STIM1: variants seen among roughly 807,000 people sequenced by gnomAD.
STIM1 encodes stromal interaction molecule 1.
A neutral mutation model predicts 74.7 loss-of-function variants in STIM1; 25 were observed. That is an observed-to-expected ratio of 0.33 (90% confidence interval 0.24 to 0.47). STIM1 has a LOEUF of 0.47. Among genes scored for constraint, STIM1 ranks in the 20% least tolerant of loss-of-function variants. The probability of loss-of-function intolerance (pLI) is 1.00; values close to 1 mark genes in which losing one functional copy is unlikely to be tolerated. For missense variants in STIM1, 728 were observed against 920.8 expected, an observed-to-expected ratio of 0.79 and a Z score of 2.71; for synonymous variants, 328 against 348.8, an observed-to-expected ratio of 0.94 and a Z score of 0.66.
chr11:3,875,203 C>T (rs181910648), intron 1 of STIM1, among the ~76,000 whole-genome samples: 8 of 152,198 alleles, frequency 5.3e-5, no homozygotes, highest in African/African-American at 1.9e-4. Context: ...ACTAACCTTG[C>T]ATTTGGGGCT....
chr11:3,937,353 T>G (rs2092947004), intron 1 of STIM1, among the ~76,000 whole-genome samples: 1 of 150,828 alleles, frequency 6.6e-6, no homozygotes. Flanking sequence ...TATCTGGAAA[T>G]TTAATATGTT....
intron 1 of STIM1, among the ~76,000 whole-genome samples, chr11:3,899,049 G>C (rs1390416957): frequency 6.6e-6 from 1 of 152,166 alleles, no homozygotes; most frequent in Non-Finnish European, 1.5e-5. Flanking sequence ...CCAATTCTGT[G>C]AAGAAAGTCA....
chr11:3,873,438 T>A (rs530650845), intron 1 of STIM1, among the ~76,000 whole-genome samples: 2,096 of 149,566 alleles, frequency 0.014, 48 homozygotes, highest in African/African-American at 0.049. Context: ...AAAAAAAAAA[T>A]TAAAAACTTT....
intron 2 of STIM1, among the ~76,000 whole-genome samples, chr11:3,995,422 C>T (rs1227260326): frequency 6.6e-6 from 1 of 152,158 alleles, no homozygotes; most frequent in Non-Finnish European, 1.5e-5. Context: ...CCTCAGAGGA[C>T]TTTGGTATGC....
intron 1 of STIM1, among the ~76,000 whole-genome samples, chr11:3,951,802 AT>A (rs1178731977): frequency 6.6e-6 from 1 of 152,034 alleles, no homozygotes; most frequent in Non-Finnish European, 1.5e-5. Context: ...GTCTGTAATT[AT>A]TTTTTTGGCT....
chr11:3,866,673 C>T (rs1436399647), intron 1 of STIM1, among the ~76,000 whole-genome samples: 2 of 152,038 alleles, frequency 1.3e-5, no homozygotes, highest in African/African-American at 4.8e-5. Flanking sequence ...GATCCGCCTG[C>T]CTCGGCCTCT....
intron 3 of STIM1, among the ~76,000 whole-genome samples, chr11:4,033,314 T>C (rs1219175784): frequency 1.3e-5 from 2 of 152,216 alleles, no homozygotes; most frequent in African/African-American, 4.8e-5. Flanking sequence ...TTTGTTCTTT[T>C]GGCTTAGGAT....
rs779108452 is a variant in STIM1 at position 4,091,667 on chromosome 11, C to G, written c.2020C>G (p.Arg674Gly). 1 of 1,614,250 alleles carries G rather than the reference C, an allele frequency of 6.2e-7. No homozygotes were observed. The highest frequency in any genetic ancestry group is 8.5e-7 in the Non-Finnish European group (1 of 1,180,048). The change falls in exon 13 of 13, where the codon CGC becomes GGC. Residue 674 changes from arginine to glycine, a missense_variant. By Grantham distance (125) the Arg-to-Gly change is moderately radical. This residue lies in a region of STIM1 where 352 missense variants were observed against 370.1 expected (regional missense o/e 0.95). Coordinates refer to ENST00000526596, the MANE Select transcript of STIM1 (RefSeq NM_001382567.1). ...SRALQASRNT[R>G]IPHLAGKKAV... is the part of the protein sequence containing the mutation. ...AGCCCTGCAAGCCAGCCGAAACACA[C>G]GCATTCCCCACCTGGCTGGCAAGAA...
chr11:4,042,622 T>C (rs2094156836), intron 3 of STIM1, among the ~76,000 whole-genome samples: 2 of 152,194 alleles, frequency 1.3e-5, no homozygotes. Flanking sequence ...TGTCATTTGG[T>C]GTCAGCAATA....
chr11:4,081,504 G>T (rs1352133846), intron 7 of STIM1, among the ~76,000 whole-genome samples: 2 of 152,198 alleles, frequency 1.3e-5, no homozygotes, highest in African/African-American at 4.8e-5. Context: ...AATCATAGAC[G>T]CAGTCTCTGG....
intron 1 of STIM1, among the ~76,000 whole-genome samples, chr11:3,862,817 A>G (rs947658176): frequency 2.0e-5 from 3 of 151,990 alleles, no homozygotes; most frequent in African/African-American, 7.3e-5. Context: ...AAAAGTATAT[A>G]TGTGTGTATA....
intron 5 of STIM1, among the ~76,000 whole-genome samples, chr11:4,061,822 A>G (rs929714984): frequency 6.6e-6 from 1 of 152,246 alleles, no homozygotes; most frequent in Non-Finnish European, 1.5e-5. Context: ...TGAAGTTCTG[A>G]TACATGCTAC....
chr11:3,941,386 C>A (rs1166178508), intron 1 of STIM1, among the ~76,000 whole-genome samples: 1 of 152,028 alleles, frequency 6.6e-6, no homozygotes, highest in Non-Finnish European at 1.5e-5. Context: ...AGAGAGTTGG[C>A]AATGGGCTCT....
At chr11:3,855,582 G>A (rs1487370902), upstream of STIM1, 3 of 141,776 alleles carry the variant, frequency 2.1e-5, no homozygotes, top group African/African-American at 7.8e-5. Flanking sequence ...GGGCTTCGCT[G>A]GGGACCGGGC....
chr11:3,937,020 C>G (rs2092940051), intron 1 of STIM1, among the ~76,000 whole-genome samples: 1 of 152,016 alleles, frequency 6.6e-6, no homozygotes, highest in African/African-American at 2.4e-5. Flanking sequence ...AAATTAATCT[C>G]TGCAGCTGGG....
chr11:3,959,314 G>A (rs964628917), intron 1 of STIM1, among the ~76,000 whole-genome samples: 1 of 152,224 alleles, frequency 6.6e-6, no homozygotes, highest in Non-Finnish European at 1.5e-5. Context: ...AACAGAAAGT[G>A]GTTGGGAAAG....
rs544147532 is a variant in STIM1, at chr11:3,886,875, G to T, written c.139+30466G>T. Among the ~76,000 whole-genome samples, 15 of 151,572 alleles carry T rather than the reference G, an allele frequency of 9.9e-5. No individual in the cohort carries two copies. The South Asian group carries it at 2.9e-3, about 30-fold the overall frequency. On this transcript the variant is annotated intron_variant, in intron 1 of 12. Transcript: ENST00000526596. ...AAATTAGCCAGGTGTGGTGGCGGGT[G>T]CCTGTAATCCTAGCTACTCAGGAGG... is the stretch of plus-strand genomic sequence containing the variant.
chr11:3,926,022 G>A (rs2092784406), intron 1 of STIM1, among the ~76,000 whole-genome samples: 1 of 152,086 alleles, frequency 6.6e-6, no homozygotes, highest in Non-Finnish European at 1.5e-5. Flanking sequence ...AGCTCTCAGA[G>A]AGCTCATATT....
At position 4,083,458 on chromosome 11, in the gene STIM1, T is replaced by G. The variant is rs1308773341; in HGVS notation, c.1434T>G (p.Asp478Glu). ...ACTTCATCATGACTGACGACGTGGA[T>G]GACATGGATGAGGAGATTGTGTCTC... The part of the protein sequence containing the change: ...PAHFIMTDDV[D>E]DMDEEIVSPL... Residue 478 changes from aspartate (D) to glutamate (E), a missense_variant, in exon 10 of 13, where the codon GAT becomes GAG. Transcript: ENST00000526596. 33 of 1,614,092 alleles carry G rather than the reference T, an allele frequency of 2.0e-5. No individual in the cohort carries two copies. Among genetic ancestry groups the G allele is most frequent in the Non-Finnish European group, 2.8e-5 (33 of 1,180,034 alleles).
Sources: gnomAD v4.1 joint callset for allele counts (sites outside exome capture counted in the v4.1 genomes callset) on GRCh38, gnomAD v4.1.1 for gene constraint, gnomAD v4.1.1 regional missense constraint, MANE v1.5 for transcripts, NCBI Gene and HGNC (gene_info 2026-07-23, HGNC 2026-07-21) for gene names.